ITGA4: variants seen among roughly 807,000 people sequenced by gnomAD.
ITGA4 encodes integrin subunit alpha 4.
Under a neutral mutation model 133.6 loss-of-function variants are expected in ITGA4, and 63 were observed. That is an observed-to-expected ratio of 0.47 (90% confidence interval 0.38 to 0.58). The LOEUF is 0.58. Among genes scored for constraint, ITGA4 ranks in the 20% least tolerant of loss-of-function variants. ITGA4 has a pLI of 0.00. For missense variants in ITGA4, 1,076 were observed against 1,252.7 expected (o/e 0.86, Z 2.13); for synonymous variants, 483 against 438.0 (o/e 1.10, Z -1.28).
rs568444272 is a variant in ITGA4 at position 181,472,134 on chromosome 2, G to A, written c.320-2826G>A. Among the ~76,000 whole-genome samples the A allele has an allele frequency of 9.8e-5, 15 of 152,314 alleles. 1 individual carries two copies. The South Asian group carries it at 3.1e-3, about 32-fold the overall frequency. On this transcript the variant is annotated intron_variant, in intron 2 of 27. Transcript: ENST00000397033. ...CAGTGATGACATTGTGATGTTACCTGATGGAGCTAAAACTAAAACAAGAAG... is the reference window on the plus strand; with the variant it reads ...CAGTGATGACATTGTGATGTTACCTAATGGAGCTAAAACTAAAACAAGAAG...
rs1371455209 is a variant in ITGA4, at chr2:181,530,524, A to C, written c.2539A>C (p.Thr847Pro). 1.2e-6 allele frequency: 2 copies of C among 1,610,688 alleles called. No homozygotes were observed. Among genetic ancestry groups the C allele is most frequent in the Non-Finnish European group, 1.7e-6 (2 of 1,177,834 alleles). The change falls in exon 24 of 28, where the codon ACT becomes CCT. Residue 847 changes from threonine to proline, a missense_variant and splice_region_variant. Thr to Pro is a conservative substitution (Grantham distance 38). Around this residue, in one of 4 missense-constraint regions of ITGA4, gnomAD observed 365 missense variants for 421.4 expected, o/e 0.87. Transcript: ENST00000397033. ...TTTCTCTTGCTTTCTGTCTTCATAGACTACTACTGGAGAATGCCACTTTGA... is the reference window on the plus strand; with the variant it reads ...TTTCTCTTGCTTTCTGTCTTCATAGCCTACTACTGGAGAATGCCACTTTGA... ...DKLFNILDVQ[T>P]TTGECHFENY... is the part of the protein sequence containing the mutation.
chr2:181,523,403 C>G lies in ITGA4; in HGVS notation c.2074-34C>G. ...ATGTTACAAACTTTTTATTTCCTTCCTGTCCAAAACAGTTGTTTCATTTTT... is the reference window on the plus strand; with the variant it reads ...ATGTTACAAACTTTTTATTTCCTTCGTGTCCAAAACAGTTGTTTCATTTTT... On this transcript the variant is annotated intron_variant, in intron 18 of 27. Coordinates refer to ENST00000397033, the MANE Select transcript of ITGA4 (RefSeq NM_000885.6). The surrounding 1 kb of genome is among the most constrained non-coding windows in gnomAD (Gnocchi z 4.2). 8.0e-7 allele frequency: 1 copy of G among 1,246,922 alleles called. No homozygotes were observed. Among genetic ancestry groups the G allele is most frequent in the South Asian group, 1.2e-5 (1 of 83,232 alleles). 77.2% of individuals were successfully genotyped at this position (1,246,922 alleles called of 1,614,324 possible). A position where few individuals can be genotyped will look rare whatever the true frequency, so the allele number is the denominator to read the frequency against.
chr2:181,480,155 GC>G lies in ITGA4; in HGVS notation c.647del (p.Pro216GlnfsTer15). The G allele has an allele frequency of 6.5e-7, 1 of 1,548,894 alleles. No homozygotes were observed. ...FYTKDLIVMG[A>X]PGSSYWTGSL... ...CTTACAGGATTTAATTGTGATGGGG[GC>G]CCCAGGATCATCTTACTGGACTGGC... On this transcript the variant is annotated frameshift_variant, in exon 6 of 28. Transcript: ENST00000397033. LOFTEE classifies it high-confidence loss of function.
Position 181,475,024 on chromosome 2 carries a change from G to A in ITGA4, c.384G>A (p.Gly128=), listed in dbSNP as rs745686958. ...CLEERDNQWL[G]VTLSRQPGEN... ...AAGAGAGAGACAATCAGTGGTTGGG[G>A]GTCACACTTTCCAGACAGCCAGGAG... The change falls in exon 3 of 28, where the codon GGG becomes GGA. Residue 128 remains glycine (G), a synonymous_variant. Transcript: ENST00000397033. 13 of 1,613,986 alleles carry A rather than the reference G, an allele frequency of 8.1e-6. No individual in the cohort carries two copies. Among genetic ancestry groups the A allele is most frequent in the Admixed American group, 6.7e-5 (4 of 59,986 alleles).
intron 17 of ITGA4, among the ~76,000 whole-genome samples, chr2:181,513,425 T>G (rs1235662380): frequency 6.6e-6 from 1 of 152,046 alleles, no homozygotes; most frequent in African/African-American, 2.4e-5. Context: ...TCTTTTCTCT[T>G]TCTTATTTCT....
rs1288183563 is a variant in ITGA4, at chr2:181,530,457, C to G, written c.2539-67C>G. On this transcript the variant is annotated intron_variant, in intron 23 of 27. Transcript: ENST00000397033. ...GATAAGCTACTGGAACTTTTAAAACCAGGTTGCTTTTTGCTGTTTTTTCCA... is the reference window on the plus strand; with the variant it reads ...GATAAGCTACTGGAACTTTTAAAACGAGGTTGCTTTTTGCTGTTTTTTCCA... 6.2e-6 allele frequency: 9 copies of G among 1,452,814 alleles called. No individual in the cohort carries two copies. In the East Asian group the frequency reaches 2.2e-4, roughly 35 times the overall value. The allele number at this position is 1,452,814 out of a possible 1,614,324, so 90.0% of individuals were successfully genotyped here.
chr2:181,509,641 G>T lies in ITGA4; in HGVS notation c.1696-17G>T. On this transcript the variant is annotated splice_polypyrimidine_tract_variant and intron_variant, in intron 15 of 27. Transcript: ENST00000397033. ...GTGCTTGTTTTTGTTAATTCATATG[G>T]TGGTTATTTTCCTTAGAAAGATGTG... 3.2e-6 allele frequency: 5 copies of T among 1,545,456 alleles called. No homozygotes were observed. The highest frequency in any genetic ancestry group is 2.1e-5 in the Admixed American group (1 of 47,204).
At chr2:181,511,329 C>A (rs755916808) in intron 16 of ITGA4, among the ~76,000 whole-genome samples, 1 of 152,074 alleles carries the variant, frequency 6.6e-6, no homozygotes, top group Non-Finnish European at 1.5e-5. Flanking sequence ...GCCATACTTA[C>A]ACGTAATAAA....
In ITGA4 at chr2:181,537,140, G is replaced by GTTATAAAAAGGCTAGTCATTCTTTC; in HGVS notation, c.*1614_*1638dup. On this transcript the variant is annotated 3_prime_UTR_variant, in exon 28 of 28. Transcript: ENST00000397033. ...ATGTATTTTTAAAAAACTTTGTATC[G>GTTATAAAAAGGCTAGTCATTCTTTC]TTATAAAAAGGCTAGTCATTCTTTC... 1 of 453,532 alleles carries GTTATAAAAAGGCTAGTCATTCTTTC rather than the reference G, an allele frequency of 2.2e-6. No homozygotes were observed. The highest frequency in any genetic ancestry group is 1.6e-5 in the South Asian group (1 of 64,422). 28.1% of individuals were successfully genotyped at this position (453,532 alleles called of 1,614,324 possible). A position where few individuals can be genotyped will look rare whatever the true frequency, so the allele number is the denominator to read the frequency against.
At chr2:181,458,060 A>G in intron 1 of ITGA4, 136 bp from the exon 2 acceptor site, 1 of 1,285,822 alleles carries the variant, frequency 7.8e-7, no homozygotes, top group Non-Finnish European at 1.1e-6. Context: ...AAGGTCTTGG[A>G]GCTTCGAGTC....
intron 6 of ITGA4, 95 bp from the exon 7 acceptor site, chr2:181,481,503 A>G: frequency 2.0e-6 from 1 of 499,876 alleles, no homozygotes; most frequent in Non-Finnish European, 3.6e-6. Context: ...AGTGATTTTG[A>G]ATTCGGTATC....
At chr2:181,465,466 C>G (rs920169640) in intron 2 of ITGA4, among the ~76,000 whole-genome samples, 1 of 152,002 alleles carries the variant, frequency 6.6e-6, no homozygotes, top group Non-Finnish European at 1.5e-5. Context: ...CAAAACCAAG[C>G]ATGGAACTTT....
At position 181,482,682 on chromosome 2, in the gene ITGA4, T is replaced by C. The variant is rs538401669; in HGVS notation, c.1041+31T>C. 90 of 1,601,766 alleles carry C rather than the reference T, an allele frequency of 5.6e-5. No individual in the cohort carries two copies. In the South Asian group the frequency reaches 9.8e-4, roughly 18 times the overall value. ...TCCAAGTGCCCCAACTGGAAGCCAT[T>C]TATGGAATTATGATCAAAACTCAAA... is the stretch of plus-strand genomic sequence containing the variant. On this transcript the variant is annotated intron_variant, in intron 9 of 27. Transcript: ENST00000397033.
chr2:181,531,723 A>C lies in ITGA4; in HGVS notation c.2731A>C (p.Lys911Gln). 6.2e-7 allele frequency: 1 copy of C among 1,609,004 alleles called. No homozygotes were observed. The highest frequency in any genetic ancestry group is 8.5e-7 in the Non-Finnish European group (1 of 1,176,810). The change falls in exon 25 of 28, where the codon AAA (lysine) becomes CAA (glutamine). Residue 911 changes from lysine (K) to glutamine (Q), a missense_variant. Around this residue, in one of 4 missense-constraint regions of ITGA4, gnomAD observed 193 missense variants for 172.3 expected, o/e 1.12. Transcript: ENST00000397033. ...TAATTTTGGGAAAATGGAAAGTGGA[A>C]AAGAAGCCAGTGTTCATATCCAACT... Reference protein sequence around the residue: ...LCNFGKMESGKEASVHIQLEG... With the variant: ...LCNFGKMESGQEASVHIQLEG...
rs150619390 is a variant in ITGA4 at position 181,465,014 on chromosome 2, T to G, written c.319+6697T>G. Reference sequence around the variant, plus strand: ...TCACAAAAATGTTCAGAAAATAGATTGTAGACTTAGTTCTAAAAACCCCTT... The same window carrying G: ...TCACAAAAATGTTCAGAAAATAGATGGTAGACTTAGTTCTAAAAACCCCTT... On this transcript the variant is annotated intron_variant, in intron 2 of 27. Coordinates refer to ENST00000397033, the MANE Select transcript of ITGA4 (RefSeq NM_000885.6). Among the ~76,000 whole-genome samples the G allele has an allele frequency of 1.9e-3, 291 of 152,256 alleles. 1 individual carries two copies. The highest frequency in any genetic ancestry group is 6.6e-3 in the African/African-American group (273 of 41,554).
Position 181,537,858 on chromosome 2 carries a change from G to C in ITGA4, c.*2331G>C, listed in dbSNP as rs1023531859. On this transcript the variant is annotated 3_prime_UTR_variant, in exon 28 of 28. Transcript: ENST00000397033. ...TCAATTTCTATTAGGATATCCGTTT[G>C]GCCACACAGCAGGAGGTTAGAGCAA... 1.9e-6 allele frequency: 1 copy of C among 515,712 alleles called. No individual in the cohort carries two copies. The highest frequency in any genetic ancestry group is 3.7e-6 in the Non-Finnish European group (1 of 267,458). 31.9% of individuals were successfully genotyped at this position (515,712 alleles called of 1,614,324 possible).
intron 2 of ITGA4, among the ~76,000 whole-genome samples, chr2:181,471,956 G>A (rs998192280): frequency 2.6e-5 from 4 of 152,206 alleles, no homozygotes; most frequent in Non-Finnish European, 5.9e-5. Flanking sequence ...GACTACATGG[G>A]ACACATCTTA....
chr2:181,500,653 T>G (rs1033229425), intron 15 of ITGA4, among the ~76,000 whole-genome samples: 1 of 152,128 alleles, frequency 6.6e-6, no homozygotes, highest in Admixed American at 6.6e-5. Flanking sequence ...TTGTTAATTA[T>G]GTACTGGGGC....
At chr2:181,494,973 AG>A (rs1349001152) in intron 12 of ITGA4, among the ~76,000 whole-genome samples, 161 bp downstream of exon 12, 1 of 152,214 alleles carries the variant, frequency 6.6e-6, no homozygotes, top group Non-Finnish European at 1.5e-5. Context: ...AAAATGATCA[AG>A]TAATTCCTCA....
Sources: gnomAD v4.1 joint callset for allele counts (sites outside exome capture counted in the v4.1 genomes callset) on GRCh38, gnomAD v4.1.1 for gene constraint, gnomAD v4.1.1 regional missense constraint, Gnocchi (gnomAD v3.1) non-coding constraint, MANE v1.5 for transcripts, NCBI Gene and HGNC (gene_info 2026-07-23, HGNC 2026-07-21) for gene names.